Variants in CAMKMT observed in about 807,000 individuals in gnomAD.
CAMKMT encodes the protein calmodulin-lysine N-methyltransferase.
A neutral mutation model predicts 48.0 loss-of-function variants in CAMKMT; 53 were observed. The observed-to-expected ratio is 1.10, with a 90% CI of 0.89 to 1.39. The LOEUF (loss-of-function observed/expected upper bound fraction) is 1.39. CAMKMT is among the 40% of genes most tolerant of loss of function. CAMKMT has a pLI of 0.00. For missense variants in CAMKMT, 428 were observed against 402.7 expected, an observed-to-expected ratio of 1.06 and a Z score of -0.54; for synonymous variants, 165 against 152.3, an observed-to-expected ratio of 1.08 and a Z score of -0.61.
intron 3 of CAMKMT, among the ~76,000 whole-genome samples, chr2:44,599,125 C>T (rs1430079686): frequency 1.3e-5 from 2 of 152,030 alleles, no homozygotes; most frequent in Non-Finnish European, 2.9e-5. Flanking sequence ...TTAGCTTTAA[C>T]ATGTAAGATG....
At chr2:44,638,196 A>G (rs1311540273) in intron 3 of CAMKMT, among the ~76,000 whole-genome samples, 2 of 152,180 alleles carry the variant, frequency 1.3e-5, no homozygotes, top group Non-Finnish European at 2.9e-5. Flanking sequence ...CATCTTCTGG[A>G]AGGGAGAAAC....
At chr2:44,426,376 T>TG (rs1281983077) in intron 3 of CAMKMT, among the ~76,000 whole-genome samples, 1 of 152,128 alleles carries the variant, frequency 6.6e-6, no homozygotes, top group Non-Finnish European at 1.5e-5. Flanking sequence ...GGCATATAGA[T>TG]GGGAAAAAAT....
chr2:44,561,553 A>G (rs1668324276), intron 3 of CAMKMT, among the ~76,000 whole-genome samples: 1 of 152,154 alleles, frequency 6.6e-6, no homozygotes, highest in Non-Finnish European at 1.5e-5. Context: ...TCTAAGTCAT[A>G]CCTGTAGGCC....
intron 3 of CAMKMT, among the ~76,000 whole-genome samples, chr2:44,659,804 AGAGTT>A: frequency 6.6e-6 from 1 of 152,270 alleles, no homozygotes; most frequent in African/African-American, 2.4e-5. Context: ...ACTCATCTAT[AGAGTT>A]ATTTCAGCAT....
chr2:44,678,779 T>C (rs1248839762), intron 3 of CAMKMT, among the ~76,000 whole-genome samples: 1 of 152,198 alleles, frequency 6.6e-6, no homozygotes, highest in Non-Finnish European at 1.5e-5. Flanking sequence ...TCTCATCTTT[T>C]CTCAGTCTGT....
rs1045690697 is a variant in CAMKMT, at chr2:44,653,159, C to CT, written c.377-51117dup. Among the ~76,000 whole-genome samples, 8 of 152,054 alleles carry CT rather than the reference C, an allele frequency of 5.3e-5. No individual in the cohort carries two copies. The highest frequency in any genetic ancestry group is 1.9e-4 in the East Asian group (1 of 5,172). The stretch of plus-strand genomic sequence containing the variant: ...TTGTTGATCCTGGCTTCATAAGAGT[C>CT]TTTTTTTATTATTTCTCACTTCACT... On this transcript the variant is annotated intron_variant, in intron 3 of 10. Transcript: ENST00000378494. This position sits in a 1 kb window ranked among gnomAD's most constrained non-coding sequence, Gnocchi z 5.2.
chr2:44,458,916 T>G (rs888014399), intron 3 of CAMKMT, among the ~76,000 whole-genome samples: 20 of 152,172 alleles, frequency 1.3e-4, no homozygotes, highest in African/African-American at 4.8e-4. Context: ...ATAGAAGGAC[T>G]CTCAGATTGG....
chr2:44,413,396 G>A (rs149407943), intron 3 of CAMKMT, among the ~76,000 whole-genome samples: 4,767 of 152,186 alleles, frequency 0.031, 209 homozygotes, highest in African/African-American at 0.1. Flanking sequence ...GCTCATGCCT[G>A]TAATCCCAGC....
intron 3 of CAMKMT, among the ~76,000 whole-genome samples, chr2:44,530,615 G>T (rs1666432413): frequency 6.6e-6 from 1 of 152,012 alleles, no homozygotes; most frequent in Non-Finnish European, 1.5e-5. Flanking sequence ...TTCTTATAGG[G>T]CCAAAGCATG....
At chr2:44,630,139 A>T (rs1672731985) in intron 3 of CAMKMT, among the ~76,000 whole-genome samples, 2 of 152,044 alleles carry the variant, frequency 1.3e-5, no homozygotes, top group Admixed American at 1.3e-4. Context: ...AAAATAAGCA[A>T]TGCGGAAAGG....
intron 3 of CAMKMT, among the ~76,000 whole-genome samples, chr2:44,654,811 G>A (rs938968537): frequency 3.3e-5 from 5 of 152,194 alleles, no homozygotes; most frequent in Middle Eastern, 3.4e-3. Context: ...CACTGCGCCC[G>A]GCCTACACGC....
At chr2:44,733,627 G>T (rs1032740131) in intron 7 of CAMKMT, among the ~76,000 whole-genome samples, 2 of 152,210 alleles carry the variant, frequency 1.3e-5, no homozygotes, top group Admixed American at 1.3e-4. Flanking sequence ...TTTTTAGGTT[G>T]CTGAAAGTTT....
intron 3 of CAMKMT, among the ~76,000 whole-genome samples, chr2:44,598,935 G>A (rs970444335): frequency 4.6e-5 from 7 of 151,726 alleles, no homozygotes; most frequent in East Asian, 1.9e-4. Flanking sequence ...CACACGTGTC[G>A]GTAAAAAGCT....
chr2:44,493,146 C>A (rs531361207), intron 3 of CAMKMT, among the ~76,000 whole-genome samples: 1 of 152,162 alleles, frequency 6.6e-6, no homozygotes, highest in African/African-American at 2.4e-5. Flanking sequence ...CCACCCACCT[C>A]AGGCTTCCAA....
At chr2:44,655,079 A>G (rs990484018) in intron 3 of CAMKMT, among the ~76,000 whole-genome samples, 1 of 152,180 alleles carries the variant, frequency 6.6e-6, no homozygotes, top group Non-Finnish European at 1.5e-5. Context: ...TGAAGAGTAC[A>G]ATTGCTGAAT....
intron 3 of CAMKMT, among the ~76,000 whole-genome samples, chr2:44,663,671 C>G (rs374923315): frequency 2.6e-5 from 4 of 152,294 alleles, no homozygotes; most frequent in African/African-American, 9.6e-5. Flanking sequence ...AATGCCTATT[C>G]TCATGGGGTT....
chr2:44,538,053 G>A (rs1396305897), intron 3 of CAMKMT, among the ~76,000 whole-genome samples: 2 of 152,144 alleles, frequency 1.3e-5, no homozygotes, highest in Admixed American at 1.3e-4. Context: ...ACCAATCTAA[G>A]TGCCCACCAA....
rs775494930 is a variant in CAMKMT, at chr2:44,706,348, C to G, written c.492+7C>G. On this transcript the variant is annotated splice_region_variant and intron_variant, in intron 5 of 10. Transcript: ENST00000378494. ...ATGCTTGGCTGGGCTCATGGTAGGT[C>G]TTTTCTCCATTCCAATCCCATTCAG... is the stretch of plus-strand genomic sequence containing the variant. 1.9e-6 allele frequency: 3 copies of G among 1,613,024 alleles called. No individual in the cohort carries two copies. In the South Asian group the frequency reaches 3.3e-5, roughly 18 times the overall value.
intron 7 of CAMKMT, among the ~76,000 whole-genome samples, chr2:44,722,551 C>A (rs1452722486): frequency 6.6e-6 from 1 of 151,952 alleles, no homozygotes; most frequent in Non-Finnish European, 1.5e-5. Flanking sequence ...AATTCTAGAT[C>A]AGAACAATTT....
Sources: gnomAD v4.1 joint callset for allele counts (sites outside exome capture counted in the v4.1 genomes callset) on GRCh38, gnomAD v4.1.1 for gene constraint, Gnocchi (gnomAD v3.1) non-coding constraint, MANE v1.5 for transcripts, NCBI Gene and HGNC (gene_info 2026-07-23, HGNC 2026-07-21) for gene names.